TCF12: variants seen among roughly 807,000 people sequenced by gnomAD.
TCF12 encodes the protein DNA-binding protein HTF4.
TCF12 carries 45 observed loss-of-function variants against 86.0 expected under a neutral mutation model. The observed-to-expected ratio is 0.52, with a 90% CI of 0.41 to 0.67. The LOEUF is 0.67. Ranked by LOEUF, TCF12 falls within the 30% of genes least tolerant of loss-of-function variation. The pLI, the probability that TCF12 is intolerant of heterozygous loss-of-function variation, is 0.00. For synonymous variants in TCF12, 330 were observed against 299.6 expected (o/e 1.10, Z -1.05); for missense variants, 881 against 859.9 (o/e 1.02, Z -0.31).
intron 5 of TCF12, among the ~76,000 whole-genome samples, chr15:57,123,597 T>A (rs1187911032): frequency 6.6e-5 from 10 of 151,532 alleles, no homozygotes; most frequent in African/African-American, 2.4e-4. Flanking sequence ...CACTGCAACC[T>A]CAGCCTCCTG....
chr15:56,986,987 G>T (rs17819700), intron 3 of TCF12, among the ~76,000 whole-genome samples: 59,423 of 152,112 alleles, frequency 0.39, 14,411 homozygotes, highest in Non-Finnish European at 0.53. Context: ...GATAATAAAA[G>T]AATCTTGGTC....
intron 3 of TCF12, among the ~76,000 whole-genome samples, chr15:56,956,793 T>G (rs1189321357): frequency 6.6e-6 from 1 of 152,172 alleles, no homozygotes; most frequent in Non-Finnish European, 1.5e-5. Flanking sequence ...TCTTACTGCT[T>G]TTAAGATTTT....
At chr15:57,284,782 T>C (rs1431288904) in intron 20 of TCF12, among the ~76,000 whole-genome samples, 1 of 152,244 alleles carries the variant, frequency 6.6e-6, no homozygotes, top group African/African-American at 2.4e-5. Context: ...TCGTTCAACT[T>C]TGTCTTCTTA....
intron 11 of TCF12, 63 bp from the exon 12 acceptor site, chr15:57,233,979 CA>C: frequency 7.6e-7 from 1 of 1,317,116 alleles, no homozygotes; most frequent in East Asian, 2.3e-5. Flanking sequence ...GGAATAATGG[CA>C]GAGTGCTAAA....
rs577479099 is a variant in TCF12 at position 56,919,697 on chromosome 15, G to A, written c.-22-195G>A. The A allele has an allele frequency of 2.8e-4, 117 of 418,260 alleles. 1 individual carries two copies. The South Asian group carries it at 3.4e-3, about 12-fold the overall frequency. 25.9% of individuals were successfully genotyped at this position (418,260 alleles called of 1,614,324 possible). On this transcript the variant is annotated intron_variant, in intron 1 of 20. Transcript: ENST00000333725. ...GATCTCGGGCCGCGGCGAGGAACGCGTGGATTCCGGGACCCGGCGCGGGCA... is the reference window on the plus strand; with the variant it reads ...GATCTCGGGCCGCGGCGAGGAACGCATGGATTCCGGGACCCGGCGCGGGCA...
At position 56,990,996 on chromosome 15, in the gene TCF12, A is replaced by T. The variant is rs7170133; in HGVS notation, c.148+69898A>T. On this transcript the variant is annotated intron_variant, in intron 3 of 20. Coordinates refer to ENST00000333725, the MANE Select transcript of TCF12 (RefSeq NM_207037.2). ...TTTTTTGTAGAGATGGGGTCTCACC[A>T]TGTTGCCCAGGCTGCTGTCAAACTC... 7.3e-3 allele frequency among the ~76,000 whole-genome samples: 1,103 copies of T among 151,708 alleles called. 15 individuals are homozygous for T. The highest frequency in any genetic ancestry group is 0.025 in the African/African-American group (1,053 of 41,368).
chr15:57,221,851 C>T (rs1339171759), intron 8 of TCF12, among the ~76,000 whole-genome samples: 2 of 151,858 alleles, frequency 1.3e-5, no homozygotes, highest in Admixed American at 6.6e-5. Context: ...ATAAGAAAAT[C>T]GTGGTATGTA....
At chr15:57,197,100 C>T (rs776919312) in intron 7 of TCF12, among the ~76,000 whole-genome samples, 1 of 149,742 alleles carries the variant, frequency 6.7e-6, no homozygotes, top group Non-Finnish European at 1.5e-5. Context: ...AAGTGCCCCT[C>T]TGCAAATGAA....
At chr15:57,100,397 G>A (rs1008332479) in intron 5 of TCF12, among the ~76,000 whole-genome samples, 12 of 150,696 alleles carry the variant, frequency 8.0e-5, no homozygotes, top group Admixed American at 3.3e-4. Flanking sequence ...TGCCTCCTAT[G>A]TGGTAACATT....
chr15:57,247,995 C>T, intron 13 of TCF12: 1 of 721,416 alleles, frequency 1.4e-6, no homozygotes, highest in East Asian at 2.6e-5. Flanking sequence ...CCACCCCACC[C>T]CCACAGTGGT....
At position 57,012,558 on chromosome 15, in the gene TCF12, G is replaced by A. The variant is rs886351097; in HGVS notation, c.149-51192G>A. Among the ~76,000 whole-genome samples, 5 of 152,336 alleles carry A rather than the reference G, an allele frequency of 3.3e-5. No homozygotes were observed. The East Asian group carries it at 9.6e-4, about 29-fold the overall frequency. ...GCCTGAGATAGAGTTTAGTGTGCAG[G>A]ATATTCATTGAGTACCCTTTGGATC... On this transcript the variant is annotated intron_variant, in intron 3 of 20. Coordinates refer to ENST00000333725, the MANE Select transcript of TCF12 (RefSeq NM_207037.2).
At chr15:57,016,950 A>G (rs1039136287) in intron 3 of TCF12, among the ~76,000 whole-genome samples, 21 of 152,202 alleles carry the variant, frequency 1.4e-4, no homozygotes, top group Admixed American at 1.3e-3. Flanking sequence ...CGCACTGGGC[A>G]TGCAGACATC....
intron 3 of TCF12, among the ~76,000 whole-genome samples, chr15:56,943,696 A>T (rs1356309546): frequency 6.6e-6 from 1 of 152,320 alleles, no homozygotes; most frequent in East Asian, 1.9e-4. Flanking sequence ...AGCGAGTCTC[A>T]TGGACAGTGG....
At chr15:56,918,498 T>C (rs953998155), upstream of TCF12, 12 of 316,858 alleles carry the variant, frequency 3.8e-5, no homozygotes, top group Non-Finnish European at 7.5e-5. Flanking sequence ...ACCGCGGGCT[T>C]TGTCCACCCG....
intron 3 of TCF12, among the ~76,000 whole-genome samples, chr15:57,004,835 A>G (rs2585117): frequency 0.95 from 144,078 of 152,308 alleles, 68,415 homozygotes; most frequent in Non-Finnish European, 0.99. Flanking sequence ...GATTATAGGC[A>G]TGAGCCACCG....
In TCF12 at chr15:57,044,287, C is replaced by T. The variant is rs145342558; in HGVS notation, c.149-19463C>T. ...ACTGTTTAAGAATTTACCAGCCGGGCACAGTGGGTCACACCTGTAATCCCA... is the reference window on the plus strand; with the variant it reads ...ACTGTTTAAGAATTTACCAGCCGGGTACAGTGGGTCACACCTGTAATCCCA... On this transcript the variant is annotated intron_variant, in intron 3 of 20. Transcript: ENST00000333725. Among the ~76,000 whole-genome samples, 183 of 152,200 alleles carry T rather than the reference C, an allele frequency of 1.2e-3. 1 individual carries two copies. The highest frequency in any genetic ancestry group is 4.2e-3 in the African/African-American group (173 of 41,540).
chr15:56,938,542 C>T (rs1301463678), intron 3 of TCF12, among the ~76,000 whole-genome samples: 1 of 151,926 alleles, frequency 6.6e-6, no homozygotes, highest in Non-Finnish European at 1.5e-5. Flanking sequence ...AGGGAGGATT[C>T]CCTCTTTCTC....
chr15:57,067,432 T>C (rs986847243), intron 4 of TCF12, among the ~76,000 whole-genome samples: 1 of 138,986 alleles, frequency 7.2e-6, no homozygotes, highest in Non-Finnish European at 1.5e-5. Context: ...CCCAGCTACT[T>C]GGGAGGCTGA....
chr15:57,239,181 G>A lies in TCF12; in HGVS notation c.1036-4291G>A, dbSNP rs183351400. On this transcript the variant is annotated intron_variant, in intron 12 of 20. Transcript: ENST00000333725. ...AGCCTGACCAACACGGAGAAACCCCGTCTCTACTAAAAATACAAAATTAGC... is the reference window on the plus strand; with the variant it reads ...AGCCTGACCAACACGGAGAAACCCCATCTCTACTAAAAATACAAAATTAGC... Among the ~76,000 whole-genome samples the A allele has an allele frequency of 3.7e-3, 563 of 150,914 alleles. 4 individuals carry two copies. The highest frequency in any genetic ancestry group is 6.2e-3 in the Non-Finnish European group (418 of 67,908).
Sources: gnomAD v4.1 joint callset for allele counts (sites outside exome capture counted in the v4.1 genomes callset) on GRCh38, gnomAD v4.1.1 for gene constraint, MANE v1.5 for transcripts, NCBI Gene and HGNC (gene_info 2026-07-23, HGNC 2026-07-21) for gene names.